ANKRD6: variants seen among roughly 807,000 people sequenced by gnomAD.
The protein encoded by ANKRD6 is ankyrin repeat domain-containing protein 6.
In ANKRD6, 56 loss-of-function variants were observed where a neutral mutation model predicts 82.3. The observed-to-expected ratio is 0.68, with a 90% CI of 0.55 to 0.85. The LOEUF (loss-of-function observed/expected upper bound fraction) is 0.85. Ranked by LOEUF, ANKRD6 falls within the 40% of genes least tolerant of loss-of-function variation. The probability of loss-of-function intolerance (pLI) is 0.00; values close to 1 mark genes in which losing one functional copy is unlikely to be tolerated. For missense variants in ANKRD6, 852 were observed against 907.6 expected, an observed-to-expected ratio of 0.94 and a Z score of 0.79; for synonymous variants, 347 against 352.1, an observed-to-expected ratio of 0.99 and a Z score of 0.16.
At chr6:89,606,179 C>T in intron 5 of ANKRD6, 74 bp downstream of exon 5, 1 of 1,249,162 alleles carries the variant, frequency 8.0e-7, no homozygotes. Flanking sequence ...CTGTGGGAGC[C>T]TTCTTCCAGT....
chr6:89,449,609 G>A (rs1375106535), intron 1 of ANKRD6, among the ~76,000 whole-genome samples: 2 of 152,150 alleles, frequency 1.3e-5, no homozygotes, highest in East Asian at 3.9e-4. Context: ...CAGACAAGAT[G>A]CTCTCAAAAG....
intron 6 of ANKRD6, 45 bp downstream of exon 6, chr6:89,612,415 C>A: frequency 6.7e-7 from 1 of 1,500,984 alleles, no homozygotes; most frequent in South Asian, 1.2e-5. Context: ...TTTCTTGTGT[C>A]ACTTCAGAAA....
At chr6:89,565,387 G>A (rs1402060170) in intron 1 of ANKRD6, 1 of 152,224 alleles carries the variant, frequency 6.6e-6, no homozygotes, top group Non-Finnish European at 1.5e-5. Flanking sequence ...GATGGAGAAT[G>A]ATGAGAAAGT....
Position 89,613,822 on chromosome 6 carries a change from C to T in ANKRD6, c.547C>T (p.Arg183Cys), listed in dbSNP as rs369598670. Residue 183 changes from arginine (R) to cysteine (C), a missense_variant, in exon 7 of 16, where the codon CGC becomes TGC. By Grantham distance (180) the Arg-to-Cys change is radical. Coordinates refer to ENST00000339746, the MANE Select transcript of ANKRD6 (RefSeq NM_001242809.2). The part of the protein sequence containing the change: ...AGDTCLHVAA[R>C]YNHLSIIRLL... ...AGACACCTGTTTGCACGTTGCTGCG[C>T]GCTATAATCACTTGTCCATCATTAG... is the stretch of plus-strand genomic sequence containing the variant. The T allele has an allele frequency of 1.9e-5, 31 of 1,613,942 alleles. No homozygotes were observed. Among genetic ancestry groups the T allele is most frequent in the African/African-American group, 1.2e-4 (9 of 74,942 alleles).
intron 1 of ANKRD6, among the ~76,000 whole-genome samples, chr6:89,493,992 A>G (rs1462779399): frequency 6.6e-6 from 1 of 152,224 alleles, no homozygotes; most frequent in Non-Finnish European, 1.5e-5. Context: ...ATTCAGGATT[A>G]TCCTGCTAGG....
intron 4 of ANKRD6, among the ~76,000 whole-genome samples, chr6:89,603,355 C>T (rs1415583891): frequency 8.2e-6 from 1 of 121,616 alleles, no homozygotes; most frequent in Non-Finnish European, 1.6e-5. Context: ...GAGAGAGGGT[C>T]TCACTCTGTT....
chr6:89,513,385 C>T (rs189648846), intron 1 of ANKRD6, among the ~76,000 whole-genome samples: 1 of 152,290 alleles, frequency 6.6e-6, no homozygotes, highest in Admixed American at 6.5e-5. Context: ...CCTTAACCTG[C>T]TTTCCCCTCC....
At chr6:89,450,419 A>T (rs1772665466) in intron 1 of ANKRD6, among the ~76,000 whole-genome samples, 1 of 152,190 alleles carries the variant, frequency 6.6e-6, no homozygotes, top group Non-Finnish European at 1.5e-5. Flanking sequence ...ATCAGTCATC[A>T]GCCACCGGGC....
At chr6:89,624,390 A>G (rs1037448226) in intron 12 of ANKRD6, 149 bp from the exon 13 acceptor site, 9 of 1,066,000 alleles carry the variant, frequency 8.4e-6, no homozygotes, top group African/African-American at 1.6e-5. Flanking sequence ...AATTTGGCCT[A>G]TAAGATGTTC....
At chr6:89,559,374 CT>C (rs1413178915) in intron 1 of ANKRD6, among the ~76,000 whole-genome samples, 2 of 152,166 alleles carry the variant, frequency 1.3e-5, no homozygotes, top group Non-Finnish European at 2.9e-5. Context: ...TCTGTGAAAA[CT>C]TTCCTGACCT....
intron 2 of ANKRD6, among the ~76,000 whole-genome samples, chr6:89,591,092 C>A (rs1054145322): frequency 6.6e-6 from 1 of 151,992 alleles, no homozygotes; most frequent in Non-Finnish European, 1.5e-5. Context: ...TTTAAAACTT[C>A]GTCCTTTTTT....
rs371474972 is a variant in ANKRD6, at chr6:89,455,064, G to A, written c.-144+21689G>A. Among the ~76,000 whole-genome samples the A allele has an allele frequency of 1.5e-4, 23 of 151,270 alleles. No individual in the cohort carries two copies. In the South Asian group the frequency reaches 2.1e-3, roughly 14 times the overall value. ...TTGTCATGTTGGCCAGGCTGGTCTC[G>A]AACTCTCGATCTCAAGTGATCTGCC... On this transcript the variant is annotated intron_variant, in intron 1 of 15. Coordinates refer to ENST00000339746, the MANE Select transcript of ANKRD6 (RefSeq NM_001242809.2).
chr6:89,624,091 T>C lies in ANKRD6; in HGVS notation c.1218+34T>C, dbSNP rs776289430. On this transcript the variant is annotated intron_variant, in intron 12 of 15. Transcript: ENST00000339746. ...AAAGCAGTGTCAGGAGAAGGGAACA[T>C]AGGCCTTCAGCAAGGGTTTTTGTTT... 16 of 1,463,066 alleles carry C rather than the reference T, an allele frequency of 1.1e-5. No homozygotes were observed. In the African/African-American group the frequency reaches 1.7e-4, roughly 16 times the overall value. The allele number at this position is 1,463,066 out of a possible 1,614,324, so 90.6% of individuals were successfully genotyped here. A position where few individuals can be genotyped will look rare whatever the true frequency, so the allele number is the denominator to read the frequency against.
intron 1 of ANKRD6, among the ~76,000 whole-genome samples, chr6:89,505,393 CAGA>C (rs1779725705): frequency 6.6e-6 from 1 of 152,184 alleles, no homozygotes; most frequent in Non-Finnish European, 1.5e-5. Flanking sequence ...GCATTTTAAG[CAGA>C]AGGAGACAGA....
At chr6:89,458,438 C>T (rs563735137) in intron 1 of ANKRD6, among the ~76,000 whole-genome samples, 2 of 152,290 alleles carry the variant, frequency 1.3e-5, no homozygotes, top group Admixed American at 1.3e-4. Flanking sequence ...GTGGATCAGT[C>T]CAAATCCCAA....
At chr6:89,489,599 A>G (rs1308818908) in intron 1 of ANKRD6, among the ~76,000 whole-genome samples, 2 of 152,250 alleles carry the variant, frequency 1.3e-5, no homozygotes, top group Non-Finnish European at 2.9e-5. Context: ...ACATAAAAAC[A>G]TCATTGGAAA....
intron 2 of ANKRD6, among the ~76,000 whole-genome samples, chr6:89,591,654 AT>A (rs1794943437): frequency 6.6e-6 from 1 of 152,094 alleles, no homozygotes; most frequent in South Asian, 2.1e-4. Context: ...AAAGGGCTCT[AT>A]TTTTGTTGCT....
At chr6:89,511,234 G>C (rs893917252) in intron 1 of ANKRD6, among the ~76,000 whole-genome samples, 1 of 152,130 alleles carries the variant, frequency 6.6e-6, no homozygotes, top group Non-Finnish European at 1.5e-5. Flanking sequence ...CTCCTCTCAG[G>C]TTCCTGGCTT....
intron 1 of ANKRD6, among the ~76,000 whole-genome samples, chr6:89,538,549 T>C (rs958734941): frequency 9.9e-5 from 15 of 152,198 alleles, no homozygotes; most frequent in African/African-American, 3.1e-4. Flanking sequence ...TTCAAGAATA[T>C]CTTACTATGA....
Sources: allele counts gnomAD v4.1 joint callset (sites outside exome capture counted in the v4.1 genomes callset), GRCh38; gene constraint gnomAD v4.1.1; transcripts MANE v1.5; gene names NCBI Gene and HGNC (gene_info 2026-07-23, HGNC 2026-07-21).